The following GCNT2 variants were observed in gnomAD, a reference collection of about 807,000 sequenced individuals.
The protein encoded by GCNT2 is N-acetyllactosaminide beta-1,6-N-acetylglucosaminyl-transferase.
Under a neutral mutation model 34.2 loss-of-function variants are expected in GCNT2, and 34 were observed. That is an observed-to-expected ratio of 1.00 (90% CI 0.76 to 1.32). The LOEUF is 1.32. Among genes scored for constraint, GCNT2 ranks in the 40% most tolerant of loss-of-function variants. GCNT2 has a pLI of 0.00. For missense variants in GCNT2, 584 were observed against 489.4 expected (o/e 1.19, Z -1.82); for synonymous variants, 212 against 188.0 (o/e 1.13, Z -1.04).
At chr6:10,579,725 A>T (rs1262845222) in intron 3 of GCNT2, among the ~76,000 whole-genome samples, 1 of 151,094 alleles carries the variant, frequency 6.6e-6, no homozygotes, top group Non-Finnish European at 1.5e-5. Flanking sequence ...TTGAGGCAAG[A>T]GAATGGCTTG....
chr6:10,532,661 G>T (rs1269134290), intron 3 of GCNT2, among the ~76,000 whole-genome samples: 1 of 152,096 alleles, frequency 6.6e-6, no homozygotes, highest in Admixed American at 6.5e-5. Context: ...TAGAGACGAG[G>T]TCCTGCTGTG....
intron 4 of GCNT2, among the ~76,000 whole-genome samples, chr6:10,625,149 A>G (rs560514764): frequency 5.1e-4 from 78 of 152,068 alleles, no homozygotes; most frequent in Non-Finnish European, 7.9e-4. Context: ...GTCCTTCTGT[A>G]CTAGTGTCTT....
At chr6:10,567,661 A>ACAAATTG in intron 3 of GCNT2, among the ~76,000 whole-genome samples, 1 of 152,310 alleles carries the variant, frequency 6.6e-6, no homozygotes, top group East Asian at 1.9e-4. Context: ...GAGCCAGGGC[A>ACAAATTG]CAAATTGATC....
intron 3 of GCNT2, among the ~76,000 whole-genome samples, chr6:10,572,276 T>G (rs1369628979): frequency 2.6e-5 from 4 of 152,224 alleles, no homozygotes; most frequent in Non-Finnish European, 5.9e-5. Flanking sequence ...CTCATTTATG[T>G]AGGTTACAAC....
intron 3 of GCNT2, among the ~76,000 whole-genome samples, chr6:10,593,762 A>G (rs1219576650): frequency 1.3e-5 from 2 of 152,228 alleles, no homozygotes; most frequent in African/African-American, 4.8e-5. Flanking sequence ...TACAATGATC[A>G]ATATATACTC....
In GCNT2 at chr6:10,536,219, A is replaced by G. The variant is rs183643200; in HGVS notation, c.925+6383A>G. Among the ~76,000 whole-genome samples, 155 of 152,304 alleles carry G rather than the reference A, an allele frequency of 1.0e-3. 3 individuals are homozygous for G. In the Middle Eastern group the frequency reaches 0.051, roughly 50 times the overall value. On this transcript the variant is annotated intron_variant, in intron 3 of 4. Coordinates refer to ENST00000495262, the MANE Select transcript of GCNT2 (RefSeq NM_145649.5). ...GAGGGAATTGATATTCCCCAAACCA[A>G]TCGAGCACACAGAGCTTCTGAGATG...
chr6:10,616,361 C>T (rs1003015360), intron 3 of GCNT2, among the ~76,000 whole-genome samples: 1 of 152,078 alleles, frequency 6.6e-6, no homozygotes, highest in Admixed American at 6.5e-5. Context: ...AAAAGAACAG[C>T]ACTTCCACAG....
Position 10,626,572 on chromosome 6 carries a change from A to C in GCNT2, c.1174A>C (p.Ser392Arg). 1 of 1,613,966 alleles carries C rather than the reference A, an allele frequency of 6.2e-7. No homozygotes were observed. Among genetic ancestry groups the C allele is most frequent in the Non-Finnish European group, 8.5e-7 (1 of 1,179,852 alleles). ...LRHRERTLNQ[S>R]ETAIQPSWYF is the part of the protein sequence containing the mutation. The stretch of plus-strand genomic sequence containing the variant: ...GCATCGCGAAAGAACCCTCAATCAG[A>C]GTGAAACTGCGATACAACCCAGCTG... The change falls in exon 5 of 5, where the codon AGT becomes CGT. Residue 392 changes from serine to arginine, a missense_variant. Transcript: ENST00000495262.
chr6:10,540,438 CAGA>C (rs1442701698), intron 3 of GCNT2, among the ~76,000 whole-genome samples: 5 of 152,008 alleles, frequency 3.3e-5, no homozygotes, highest in African/African-American at 7.3e-5. Context: ...TACACTCCTG[CAGA>C]AGCAGCTCCC....
intron 3 of GCNT2, among the ~76,000 whole-genome samples, chr6:10,542,695 A>G (rs1272191566): frequency 6.6e-6 from 1 of 152,092 alleles, no homozygotes; most frequent in Non-Finnish European, 1.5e-5. Context: ...CACTTTTTAT[A>G]GGAATGGATG....
At chr6:10,597,641 TG>T (rs1188610228) in intron 3 of GCNT2, among the ~76,000 whole-genome samples, 1 of 151,880 alleles carries the variant, frequency 6.6e-6, no homozygotes, top group East Asian at 1.9e-4. Flanking sequence ...TTGCTTTTTT[TG>T]TTAGAGATGG....
Position 10,586,897 on chromosome 6 carries a change from C to A in GCNT2, c.926-34454C>A, listed in dbSNP as rs778567629. On this transcript the variant is annotated intron_variant, in intron 3 of 4. Transcript: ENST00000495262. ...AGTCCTGATGAGCATTTCTGGGTGA[C>A]ACTTAATAGGGTTTCAGGTAGGTAC... 3 of 1,612,734 alleles carry A rather than the reference C, an allele frequency of 1.9e-6. No individual in the cohort carries two copies. In the South Asian group the frequency reaches 3.3e-5, roughly 18 times the overall value.
Position 10,629,315 on chromosome 6 carries a change from C to T in GCNT2, c.*2708C>T, listed in dbSNP as rs1015061226. 2.6e-5 allele frequency: 4 copies of T among 152,612 alleles called. No homozygotes were observed. The highest frequency in any genetic ancestry group is 1.9e-4 in the East Asian group (1 of 5,174). The allele number at this position is 152,612 out of a possible 1,614,324, so 9.5% of individuals were successfully genotyped here. On this transcript the variant is annotated 3_prime_UTR_variant, in exon 5 of 5. Coordinates refer to ENST00000495262, the MANE Select transcript of GCNT2 (RefSeq NM_145649.5). ...AACTACTGTATCTGATGTTTGTTTT[C>T]GATGAGGTTCCATGTTTTGTTTTCT... is the stretch of plus-strand genomic sequence containing the variant.
rs958391190 is a variant in GCNT2 at position 10,594,698 on chromosome 6, C to T, written c.926-26653C>T. ...CTTGTGTTCCTACACTAATGAGATC[C>T]TCAAGGTGTTGAATAAAAGCAATTT... On this transcript the variant is annotated intron_variant, in intron 3 of 4. Coordinates refer to ENST00000495262, the MANE Select transcript of GCNT2 (RefSeq NM_145649.5). 3.9e-5 allele frequency among the ~76,000 whole-genome samples: 6 copies of T among 152,132 alleles called. No individual in the cohort carries two copies. The South Asian group carries it at 8.3e-4, about 21-fold the overall frequency.
chr6:10,625,097 T>C (rs1462285526), intron 4 of GCNT2, among the ~76,000 whole-genome samples: 1 of 152,326 alleles, frequency 6.6e-6, no homozygotes, highest in East Asian at 1.9e-4. Context: ...CTCTCTATTA[T>C]GCTTCTTCCC....
In GCNT2 at chr6:10,615,908, C is replaced by T. The variant is rs141550411; in HGVS notation, c.926-5443C>T. 3.5e-3 allele frequency among the ~76,000 whole-genome samples: 529 copies of T among 152,240 alleles called. 5 individuals carry two copies. The highest frequency in any genetic ancestry group is 0.012 in the African/African-American group (504 of 41,522). ...TGGTTTTGGTGGGTTTTGGGCGGCTCCTTTACTGCAAACTGTTTATATCAG... is the reference window on the plus strand; with the variant it reads ...TGGTTTTGGTGGGTTTTGGGCGGCTTCTTTACTGCAAACTGTTTATATCAG... On this transcript the variant is annotated intron_variant, in intron 3 of 4. Transcript: ENST00000495262.
intron 3 of GCNT2, chr6:10,573,314 A>G: frequency 1.0e-6 from 1 of 980,594 alleles, no homozygotes; most frequent in Non-Finnish European, 1.2e-6. Context: ...ACTTAACAGA[A>G]TATAGTCAAA....
chr6:10,534,442 G>C (rs1385410729), intron 3 of GCNT2, among the ~76,000 whole-genome samples: 1 of 151,980 alleles, frequency 6.6e-6, no homozygotes, highest in African/African-American at 2.4e-5. Context: ...GGCCCATGCT[G>C]CTCTCTTGAC....
chr6:10,552,375 T>C (rs892643549), intron 3 of GCNT2, among the ~76,000 whole-genome samples: 1 of 151,816 alleles, frequency 6.6e-6, no homozygotes, highest in African/African-American at 2.4e-5. Context: ...TTTCCCCAGG[T>C]CCTGAATCCT....
Sources: gnomAD v4.1 joint callset for allele counts (sites outside exome capture counted in the v4.1 genomes callset) on GRCh38, gnomAD v4.1.1 for gene constraint, MANE v1.5 for transcripts, NCBI Gene and HGNC (gene_info 2026-07-23, HGNC 2026-07-21) for gene names.